MAGI2: variants seen among roughly 807,000 people sequenced by gnomAD.
The protein encoded by MAGI2 is membrane-associated guanylate kinase, WW and PDZ domain-containing protein 2.
In MAGI2, 35 loss-of-function variants were observed where a neutral mutation model predicts 133.3. The ratio of observed to expected loss-of-function variants is 0.26; its 90% CI spans 0.20 to 0.35. The LOEUF is 0.35. MAGI2 is among the 10% of genes least tolerant of loss of function. The pLI is 1.00. For synonymous variants in MAGI2, 729 were observed against 710.6 expected (o/e 1.03, Z -0.41); for missense variants, 1,636 against 1,863.4 (o/e 0.88, Z 2.25).
intron 1 of MAGI2, among the ~76,000 whole-genome samples, chr7:79,161,192 G>A (rs1824319250): frequency 6.6e-6 from 1 of 152,012 alleles, no homozygotes; most frequent in Non-Finnish European, 1.5e-5. Context: ...GACTGGGGAT[G>A]TTACCCCTTT....
At chr7:78,164,858 T>C (rs1825465209) in intron 15 of MAGI2, among the ~76,000 whole-genome samples, 1 of 152,262 alleles carries the variant, frequency 6.6e-6, no homozygotes, top group African/African-American at 2.4e-5. Context: ...TTAGCTTGAA[T>C]GTCTCAAAGC....
chr7:79,088,913 C>T (rs970735741), intron 1 of MAGI2, among the ~76,000 whole-genome samples: 3 of 151,858 alleles, frequency 2.0e-5, no homozygotes, highest in Non-Finnish European at 4.4e-5. Context: ...ACTGAAACAT[C>T]AAAAGCAATG....
chr7:78,098,023 G>A (rs1817870241), intron 20 of MAGI2, among the ~76,000 whole-genome samples: 2 of 152,038 alleles, frequency 1.3e-5, no homozygotes, highest in South Asian at 4.1e-4. Flanking sequence ...ATATTCATGT[G>A]TTATTAAAGT....
chr7:78,271,947 G>C (rs1454782420), intron 9 of MAGI2, among the ~76,000 whole-genome samples: 1 of 151,972 alleles, frequency 6.6e-6, no homozygotes, highest in Non-Finnish European at 1.5e-5. Context: ...ATCTCCTTCA[G>C]TTCTGCTCTG....
At chr7:78,091,174 C>A (rs551012097) in intron 20 of MAGI2, among the ~76,000 whole-genome samples, 1 of 152,212 alleles carries the variant, frequency 6.6e-6, no homozygotes, top group African/African-American at 2.4e-5. Flanking sequence ...TATTACTCTG[C>A]ACCCACTGCT....
At chr7:78,058,966 C>T (rs1445231344) in intron 21 of MAGI2, among the ~76,000 whole-genome samples, 1 of 152,134 alleles carries the variant, frequency 6.6e-6, no homozygotes, top group Non-Finnish European at 1.5e-5. Flanking sequence ...AATTCTTAGT[C>T]CCTTTATACC....
chr7:79,399,189 G>A (rs552389192), intron 1 of MAGI2, among the ~76,000 whole-genome samples: 2 of 147,448 alleles, frequency 1.4e-5, no homozygotes, highest in South Asian at 2.2e-4. Flanking sequence ...CTGCCTCCCC[G>A]GTTCAGGCAA....
chr7:78,715,873 C>T (rs1158669588), intron 2 of MAGI2, among the ~76,000 whole-genome samples: 1 of 60,182 alleles, frequency 1.7e-5, no homozygotes, highest in Non-Finnish European at 4.0e-5. Flanking sequence ...AGAAGAGACA[C>T]CTACTGAAGC....
chr7:78,346,540 GAA>G, intron 7 of MAGI2, among the ~76,000 whole-genome samples: 1 of 152,202 alleles, frequency 6.6e-6, no homozygotes, highest in Non-Finnish European at 1.5e-5. Context: ...GGATCCAGGA[GAA>G]AGAGTTTGCA....
chr7:78,697,873 T>C (rs1190615723), intron 2 of MAGI2, among the ~76,000 whole-genome samples: 2 of 152,196 alleles, frequency 1.3e-5, no homozygotes, highest in Admixed American at 6.5e-5. Flanking sequence ...AGATATACTA[T>C]AGTTATTTTC....
intron 2 of MAGI2, among the ~76,000 whole-genome samples, chr7:78,743,353 G>T (rs1822608489): frequency 6.6e-6 from 1 of 152,142 alleles, no homozygotes; most frequent in Non-Finnish European, 1.5e-5. Context: ...AGTGCTAAAT[G>T]GTTTAGCTAA....
At chr7:79,305,621 G>A (rs1483584408) in intron 1 of MAGI2, among the ~76,000 whole-genome samples, 2 of 151,970 alleles carry the variant, frequency 1.3e-5, no homozygotes, top group African/African-American at 4.8e-5. Context: ...TATTTAAAAA[G>A]GGATCTAGGC....
At chr7:78,102,039 T>A (rs919505981) in intron 20 of MAGI2, among the ~76,000 whole-genome samples, 2 of 152,132 alleles carry the variant, frequency 1.3e-5, no homozygotes, top group Non-Finnish European at 2.9e-5. Context: ...CATCAGGAAA[T>A]CCTGCCATTT....
At chr7:79,030,807 A>G (rs1046736403) in intron 1 of MAGI2, among the ~76,000 whole-genome samples, 2 of 152,220 alleles carry the variant, frequency 1.3e-5, no homozygotes, top group African/African-American at 2.4e-5. Context: ...TCATTTTAGT[A>G]TCATGCTTTT....
chr7:78,219,146 G>A (rs559100882), intron 10 of MAGI2, among the ~76,000 whole-genome samples: 23 of 152,240 alleles, frequency 1.5e-4, no homozygotes, highest in African/African-American at 5.3e-4. Flanking sequence ...GTTCACTCCT[G>A]AGTCCTTATT....
chr7:78,371,195 T>C (rs184691967), intron 6 of MAGI2, among the ~76,000 whole-genome samples: 3 of 152,066 alleles, frequency 2.0e-5, no homozygotes, highest in African/African-American at 7.2e-5. Context: ...GGCAAATTCA[T>C]CTAGTAAAAA....
At chr7:78,866,835 G>T (rs1794600213) in intron 2 of MAGI2, among the ~76,000 whole-genome samples, 1 of 152,034 alleles carries the variant, frequency 6.6e-6, no homozygotes, top group African/African-American at 2.4e-5. Context: ...TTTCACTTCA[G>T]AAAATTTGAA....
chr7:78,325,364 G>A (rs956815081), intron 9 of MAGI2, among the ~76,000 whole-genome samples: 1 of 152,150 alleles, frequency 6.6e-6, no homozygotes, highest in Non-Finnish European at 1.5e-5. Context: ...TTACAGCCTT[G>A]TTCACATACT....
intron 1 of MAGI2, among the ~76,000 whole-genome samples, chr7:79,379,748 C>A (rs1843651057): frequency 6.6e-6 from 1 of 151,620 alleles, no homozygotes; most frequent in South Asian, 2.1e-4. Flanking sequence ...CTTTTGGCTG[C>A]ATAAATGTCT....
Sources: allele counts gnomAD v4.1 joint callset (sites outside exome capture counted in the v4.1 genomes callset), GRCh38; gene constraint gnomAD v4.1.1; transcripts MANE v1.5; gene names NCBI Gene and HGNC (gene_info 2026-07-23, HGNC 2026-07-21).